NRXN1: variants seen among roughly 807,000 people sequenced by gnomAD.
NRXN1 encodes neurexin-1.
Under a neutral mutation model 150.9 loss-of-function variants are expected in NRXN1, and 39 were observed. The observed-to-expected ratio is 0.26, with a 90% CI of 0.20 to 0.34. The LOEUF (loss-of-function observed/expected upper bound fraction) is 0.34, where lower values mean the gene tolerates loss of function less well. NRXN1 is among the 10% of genes least tolerant of loss of function. The pLI is 1.00. For missense variants in NRXN1, 1,815 were observed against 1,949.9 expected (o/e 0.93, Z 1.30); for synonymous variants, 924 against 757.0 (o/e 1.22, Z -3.62).
At chr2:50,820,431 GAGA>G (rs983703307) in intron 5 of NRXN1, among the ~76,000 whole-genome samples, 28 of 152,066 alleles carry the variant, frequency 1.8e-4, no homozygotes, top group Admixed American at 1.2e-3. Context: ...TGACAGGGTG[GAGA>G]AGAAGCTTGA....
At chr2:50,859,010 C>T (rs929336249) in intron 5 of NRXN1, among the ~76,000 whole-genome samples, 1 of 152,068 alleles carries the variant, frequency 6.6e-6, no homozygotes, top group Non-Finnish European at 1.5e-5. Context: ...CTCATCTCCA[C>T]TGAGATTTTA....
rs2152697115 is a variant in NRXN1, at chr2:50,091,325, G to T, written c.3716C>A (p.Ala1239Glu). The T allele has an allele frequency of 6.2e-7, 1 of 1,614,088 alleles. No individual in the cohort carries two copies. Among genetic ancestry groups the T allele is most frequent in the Non-Finnish European group, 8.5e-7 (1 of 1,180,010 alleles). ...DSWPVIERYP[A>E]GNNDNERLAI... ...CCGATACATATTCACTTGCTTACCT[G>T]CAGGGTAGCGCTCGATCACTGGCCA... The change falls in exon 19 of 23, where the codon GCA becomes GAA. Residue 1239 changes from alanine (A) to glutamate (E), a missense_variant and splice_region_variant. Transcript: ENST00000401669.
chr2:50,949,709 C>A (rs1171246789), intron 2 of NRXN1, among the ~76,000 whole-genome samples: 1 of 152,026 alleles, frequency 6.6e-6, no homozygotes, highest in Non-Finnish European at 1.5e-5. Context: ...TATCTTCTGA[C>A]TTCTTGGAAA....
At chr2:49,950,841 G>A (rs1220979293) in intron 21 of NRXN1, among the ~76,000 whole-genome samples, 1 of 151,798 alleles carries the variant, frequency 6.6e-6, no homozygotes, top group East Asian at 1.9e-4. Context: ...GAATATGTAG[G>A]GCAAAGCTCA....
chr2:49,998,213 G>C (rs1337989551), intron 21 of NRXN1, among the ~76,000 whole-genome samples: 1 of 152,144 alleles, frequency 6.6e-6, no homozygotes, highest in Non-Finnish European at 1.5e-5. Flanking sequence ...AGATGATGGT[G>C]TGTTCATCCC....
At chr2:50,972,041 A>T (rs1007136735) in intron 2 of NRXN1, among the ~76,000 whole-genome samples, 3 of 152,026 alleles carry the variant, frequency 2.0e-5, no homozygotes, top group African/African-American at 7.2e-5. Flanking sequence ...TCAAAATATC[A>T]TTATTAATTG....
intron 17 of NRXN1, among the ~76,000 whole-genome samples, chr2:50,382,497 C>A (rs2081043434): frequency 6.6e-6 from 1 of 152,072 alleles, no homozygotes; most frequent in Admixed American, 6.6e-5. Context: ...ATACTGGTTT[C>A]TTCAAAAGTA....
chr2:50,396,002 C>T (rs915767177), intron 17 of NRXN1, among the ~76,000 whole-genome samples: 1 of 152,112 alleles, frequency 6.6e-6, no homozygotes. Context: ...CTAGAGTATC[C>T]TTACCAGTAG....
At chr2:49,963,132 T>C (rs1676294113) in intron 21 of NRXN1, among the ~76,000 whole-genome samples, 1 of 152,192 alleles carries the variant, frequency 6.6e-6, no homozygotes, top group South Asian at 2.1e-4. Flanking sequence ...ATCTTATTTT[T>C]CAATCCTCAA....
chr2:50,047,710 G>T (rs1573598144), intron 21 of NRXN1, among the ~76,000 whole-genome samples: 1 of 150,188 alleles, frequency 6.7e-6, no homozygotes. Flanking sequence ...TCCTTCCTCT[G>T]TTTTTTTTTC....
chr2:50,656,222 C>CT, intron 5 of NRXN1: 1 of 551,338 alleles, frequency 1.8e-6, no homozygotes, highest in South Asian at 2.7e-5. Flanking sequence ...GCAAAGTGAT[C>CT]TTTTTTAAAC....
At chr2:50,603,242 G>C in intron 8 of NRXN1, among the ~76,000 whole-genome samples, 1 of 152,118 alleles carries the variant, frequency 6.6e-6, no homozygotes, top group Non-Finnish European at 1.5e-5. Context: ...CCTATGACTG[G>C]ACTATGGGAC....
At chr2:50,199,293 C>A (rs959248515) in intron 18 of NRXN1, 53 of 152,074 alleles carry the variant, frequency 3.5e-4, no homozygotes, top group African/African-American at 1.3e-3. Flanking sequence ...AGGATTCCTG[C>A]AAAGATTTTT....
chr2:50,536,101 T>C (rs1367695053), intron 10 of NRXN1, among the ~76,000 whole-genome samples: 1 of 152,188 alleles, frequency 6.6e-6, no homozygotes, highest in Non-Finnish European at 1.5e-5. Context: ...TTGTGTTAAC[T>C]GAACTAGGGC....
At chr2:50,281,938 T>G (rs1172716118) in intron 17 of NRXN1, among the ~76,000 whole-genome samples, 2 of 152,156 alleles carry the variant, frequency 1.3e-5, no homozygotes, top group Non-Finnish European at 2.9e-5. Context: ...ATATATTTGG[T>G]CTTGAGAAAA....
intron 8 of NRXN1, among the ~76,000 whole-genome samples, chr2:50,597,027 A>AT (rs1296502294): frequency 6.6e-6 from 1 of 151,750 alleles, no homozygotes; most frequent in Non-Finnish European, 1.5e-5. Context: ...ATATTTTTGT[A>AT]TTTTTTGTAG....
chr2:50,226,758 A>C (rs548548086), intron 18 of NRXN1, among the ~76,000 whole-genome samples: 1 of 152,118 alleles, frequency 6.6e-6, no homozygotes, highest in East Asian at 1.9e-4. Flanking sequence ...TAAACTGGAA[A>C]CATGCTGATA....
intron 17 of NRXN1, among the ~76,000 whole-genome samples, chr2:50,323,017 A>T (rs1023514939): frequency 7.9e-5 from 12 of 152,352 alleles, no homozygotes; most frequent in Non-Finnish European, 1.8e-4. Context: ...AGTGGAATGT[A>T]AGCATAAAAA....
At chr2:50,408,476 G>A (rs982850091) in intron 17 of NRXN1, among the ~76,000 whole-genome samples, 1 of 152,222 alleles carries the variant, frequency 6.6e-6, no homozygotes, top group African/African-American at 2.4e-5. Flanking sequence ...TGGTGGAACA[G>A]TCTGGCTTTC....
Sources: gnomAD v4.1 joint callset for allele counts (sites outside exome capture counted in the v4.1 genomes callset) on GRCh38, gnomAD v4.1.1 for gene constraint, MANE v1.5 for transcripts, NCBI Gene and HGNC (gene_info 2026-07-23, HGNC 2026-07-21) for gene names.